The following HIVEP3 variants were observed in gnomAD, a reference collection of about 807,000 sequenced individuals.
The protein encoded by HIVEP3 is HIVEP zinc finger 3.
HIVEP3 carries 49 observed loss-of-function variants against 152.8 expected under a neutral mutation model. The ratio of observed to expected loss-of-function variants is 0.32; its 90% CI spans 0.26 to 0.41. The LOEUF is 0.41. Among genes scored for constraint, HIVEP3 ranks in the 10% least tolerant of loss-of-function variants. The probability of loss-of-function intolerance (pLI) is 1.00; values close to 1 mark genes in which losing one functional copy is unlikely to be tolerated. For synonymous variants in HIVEP3, 1,269 were observed against 1,289.0 expected, an observed-to-expected ratio of 0.98 and a Z score of 0.33; for missense variants, 2,790 against 3,103.3, an observed-to-expected ratio of 0.90 and a Z score of 2.40.
At chr1:41,847,116 T>A (rs1643465981) in intron 1 of HIVEP3, 1 of 152,258 alleles carries the variant, frequency 6.6e-6, no homozygotes, top group Non-Finnish European at 1.5e-5. Flanking sequence ...TACTTTGACA[T>A]CTTTGTAACT....
chr1:41,741,480 G>A lies in HIVEP3; in HGVS notation c.-800-40485C>T, dbSNP rs143977953. Reference sequence around the variant, plus strand: ...ATCTCAGTGACTAATGGGCCGTGCCGCTGACTAAGCTGCCCTCGCAGGGTG... The same window carrying A: ...ATCTCAGTGACTAATGGGCCGTGCCACTGACTAAGCTGCCCTCGCAGGGTG... On this transcript the variant is annotated intron_variant, in intron 1 of 8. Transcript: ENST00000372583. 1.8e-4 allele frequency among the ~76,000 whole-genome samples: 27 copies of A among 150,946 alleles called. No homozygotes were observed. In the East Asian group the frequency reaches 3.5e-3, roughly 20 times the overall value.
intron 2 of HIVEP3, among the ~76,000 whole-genome samples, chr1:41,689,418 G>A (rs1485765043): frequency 6.6e-6 from 1 of 152,218 alleles, no homozygotes; most frequent in Non-Finnish European, 1.5e-5. Context: ...CTGCCCTGGT[G>A]AGTCTGTGCT....
At chr1:41,974,486 T>C (rs1044690565) in intron 1 of HIVEP3, among the ~76,000 whole-genome samples, 8 of 134,282 alleles carry the variant, frequency 6.0e-5, no homozygotes, top group Admixed American at 7.4e-5. Flanking sequence ...CTCCACCCCC[T>C]ACACACACAC....
intron 1 of HIVEP3, among the ~76,000 whole-genome samples, chr1:41,891,860 T>C (rs768008203): frequency 3.9e-5 from 6 of 152,206 alleles, no homozygotes; most frequent in Non-Finnish European, 8.8e-5. Flanking sequence ...TGAAAAGAGA[T>C]GGCCTTCCAA....
Position 41,511,202 on chromosome 1 carries a change from G to T in HIVEP3, c.6470C>A (p.Pro2157His), listed in dbSNP as rs1283520921. Residue 2157 changes from proline (P) to histidine (H), a missense_variant, in exon 9 of 9, where the codon CCC (proline) becomes CAC (histidine). Physicochemically the swap from Pro to His is moderately conservative, Grantham distance 77. Around this residue, in one of 9 missense-constraint regions of HIVEP3, gnomAD observed 816 missense variants for 806.5 expected, o/e 1.01. Transcript: ENST00000372583. This position sits in a 1 kb window ranked among gnomAD's most constrained non-coding sequence, Gnocchi z 4.9. ...PGPAHPLSSR[P>H]FSALHDFHGH... is the part of the protein sequence containing the mutation. ...GTGGAAGTCATGGAGGGCGGAGAAG[G>T]GTCGGGAGGAGAGAGGATGAGCAGG... is the stretch of plus-strand genomic sequence containing the variant. 1.2e-6 allele frequency: 2 copies of T among 1,613,862 alleles called. No homozygotes were observed. Among genetic ancestry groups the T allele is most frequent in the Non-Finnish European group, 1.7e-6 (2 of 1,179,990 alleles).
intron 1 of HIVEP3, among the ~76,000 whole-genome samples, chr1:41,718,205 G>A (rs1255439816): frequency 6.6e-6 from 1 of 152,230 alleles, no homozygotes; most frequent in Non-Finnish European, 1.5e-5. Flanking sequence ...ACATAGGGTG[G>A]CCAGTGGTGG....
At chr1:41,701,721 C>T (rs1307321451) in intron 1 of HIVEP3, among the ~76,000 whole-genome samples, 1 of 152,226 alleles carries the variant, frequency 6.6e-6, no homozygotes, top group Non-Finnish European at 1.5e-5. Context: ...TTACAATGAA[C>T]TAATGCTTTA....
intron 1 of HIVEP3, among the ~76,000 whole-genome samples, chr1:41,833,433 A>G (rs1441227307): frequency 6.6e-6 from 1 of 152,140 alleles, no homozygotes; most frequent in Non-Finnish European, 1.5e-5. Context: ...GAAGGAAAAA[A>G]ACTAAAGTAA....
chr1:41,877,398 A>T (rs1004311053), intron 1 of HIVEP3, among the ~76,000 whole-genome samples: 4 of 152,224 alleles, frequency 2.6e-5, no homozygotes, highest in South Asian at 2.1e-4. Flanking sequence ...ATTCTTCCTC[A>T]TAGCCTTTCA....
chr1:41,727,725 T>C (rs1646778731), intron 1 of HIVEP3, among the ~76,000 whole-genome samples: 6 of 152,188 alleles, frequency 3.9e-5, no homozygotes. Context: ...TTGGCAAGCA[T>C]GGCCTCATCC....
chr1:41,837,083 T>A (rs1236379946), intron 1 of HIVEP3, among the ~76,000 whole-genome samples: 1 of 152,184 alleles, frequency 6.6e-6, no homozygotes, highest in Non-Finnish European at 1.5e-5. Context: ...ACCCTTTCAA[T>A]AATTCCCGCC....
At chr1:41,824,784 T>TATATATATAG (rs1553266584) in intron 1 of HIVEP3, among the ~76,000 whole-genome samples, 6 of 11,392 alleles carry the variant, frequency 5.3e-4, no homozygotes, top group African/African-American at 6.5e-4. Flanking sequence ...TATATATATA[T>TATATATATAG]AGAGAGAGAG....
At chr1:41,986,732 G>A (rs939610901) in intron 1 of HIVEP3, among the ~76,000 whole-genome samples, 4 of 152,166 alleles carry the variant, frequency 2.6e-5, no homozygotes, top group Non-Finnish European at 4.4e-5. Context: ...GAGCCACCGC[G>A]CCCTGCCGAA....
intron 5 of HIVEP3, among the ~76,000 whole-genome samples, chr1:41,544,826 C>CACCGCT (rs1558046129): frequency 7.9e-5 from 10 of 126,752 alleles, no homozygotes; most frequent in Non-Finnish European, 1.5e-4. Context: ...CCTCTACCAC[C>CACCGCT]ACCATCACCA....
chr1:41,528,776 C>CA (rs1643117916), intron 5 of HIVEP3, among the ~76,000 whole-genome samples: 2 of 137,838 alleles, frequency 1.5e-5, no homozygotes, highest in Admixed American at 7.1e-5. Context: ...CCTTCACACA[C>CA]TCCACACCCC....
Position 41,786,899 on chromosome 1 carries a change from G to A in HIVEP3, c.-800-85904C>T, listed in dbSNP as rs142278593. ...CCCCGGTAGCTAGGATTACAGGTGC[G>A]CACCACCACGTCCAGCTAATTTTTG... On this transcript the variant is annotated intron_variant, in intron 1 of 8. Coordinates refer to ENST00000372583, the MANE Select transcript of HIVEP3 (RefSeq NM_024503.5). Among the ~76,000 whole-genome samples the A allele has an allele frequency of 3.4e-4, 51 of 151,702 alleles. 3 individuals carry two copies. In the East Asian group the frequency reaches 9.3e-3, roughly 28 times the overall value.
At chr1:41,623,172 A>C (rs1645069456) in intron 3 of HIVEP3, among the ~76,000 whole-genome samples, 1 of 152,322 alleles carries the variant, frequency 6.6e-6, no homozygotes, top group Non-Finnish European at 1.5e-5. Context: ...CAAATCCTCT[A>C]AAGGAGAAAA....
At chr1:42,007,859 T>G (rs958785827) in intron 1 of HIVEP3, among the ~76,000 whole-genome samples, 11 of 152,210 alleles carry the variant, frequency 7.2e-5, no homozygotes, top group African/African-American at 2.7e-4. Flanking sequence ...TGTCTTACTC[T>G]GACTCCACCC....
At chr1:41,959,292 G>A (rs1204519446) in intron 1 of HIVEP3, among the ~76,000 whole-genome samples, 5 of 152,214 alleles carry the variant, frequency 3.3e-5, no homozygotes, top group South Asian at 2.1e-4. Context: ...ATATTTTATC[G>A]TGATTAGAAT....
Sources: allele counts gnomAD v4.1 joint callset (sites outside exome capture counted in the v4.1 genomes callset), GRCh38; gene constraint gnomAD v4.1.1; regional missense constraint gnomAD v4.1.1; non-coding constraint Gnocchi (gnomAD v3.1); transcripts MANE v1.5; gene names NCBI Gene and HGNC (gene_info 2026-07-23, HGNC 2026-07-21).